The following ACTN1 variants were observed in gnomAD, a reference collection of about 807,000 sequenced individuals.
The protein encoded by ACTN1 is actinin alpha 1, also known as alpha-actinin-1.
In ACTN1, 30 loss-of-function variants were observed where a neutral mutation model predicts 119.6. That is an observed-to-expected ratio of 0.25 (90% CI 0.19 to 0.34). ACTN1 has a LOEUF of 0.34. ACTN1 is among the 10% of genes least tolerant of loss of function. ACTN1 has a pLI of 1.00. For missense variants in ACTN1, 764 were observed against 1,223.4 expected, an observed-to-expected ratio of 0.62 and a Z score of 5.60; for synonymous variants, 429 against 472.6, an observed-to-expected ratio of 0.91 and a Z score of 1.20.
At chr14:68,947,132 C>A (rs988558438) in intron 1 of ACTN1, among the ~76,000 whole-genome samples, 1 of 152,262 alleles carries the variant, frequency 6.6e-6, no homozygotes, top group African/African-American at 2.4e-5. Flanking sequence ...CTCACCCCAA[C>A]AACCACCATT....
intron 1 of ACTN1, among the ~76,000 whole-genome samples, chr14:68,951,603 G>T (rs548541857): frequency 6.6e-6 from 1 of 152,316 alleles, no homozygotes; most frequent in Admixed American, 6.5e-5. Flanking sequence ...ACGTGAAGGT[G>T]ATGCAACATT....
intron 14 of ACTN1, 67 bp from the exon 15 acceptor site, chr14:68,883,122 A>G (rs2031711197): frequency 1.3e-6 from 2 of 1,527,104 alleles, no homozygotes; most frequent in East Asian, 4.5e-5. Context: ...TGGAAGGGCC[A>G]TGGAGGTTGA....
At chr14:68,914,749 C>A (rs552909381) in intron 3 of ACTN1, among the ~76,000 whole-genome samples, 1 of 152,026 alleles carries the variant, frequency 6.6e-6, no homozygotes, top group South Asian at 2.1e-4. Context: ...CCAACCTAAG[C>A]GACAAGTTGA....
intron 1 of ACTN1, among the ~76,000 whole-genome samples, chr14:68,977,064 G>A (rs2037085975): frequency 6.6e-6 from 1 of 152,138 alleles, no homozygotes; most frequent in South Asian, 2.1e-4. Context: ...TCCTTTCAGG[G>A]GCCTAGTTCC....
chr14:68,904,675 G>A lies in ACTN1; in HGVS notation c.656C>T (p.Pro219Leu). ...FDVAEKYLDI[P>L]KMLDAEDIVG... Reference sequence around the variant, plus strand: ...TTCACCTTCGGCATCCAGCATCTTGGGGATGTCCAGGTACTTCTCTGCCAC... The same window carrying A: ...TTCACCTTCGGCATCCAGCATCTTGAGGATGTCCAGGTACTTCTCTGCCAC... Residue 219 changes from proline to leucine, a missense_variant, in exon 7 of 22, where the codon CCC becomes CTC. Around this residue, in one of 4 missense-constraint regions of ACTN1, gnomAD observed 544 missense variants for 912.0 expected, o/e 0.60. Coordinates refer to ENST00000394419, the MANE Select transcript of ACTN1 (RefSeq NM_001130004.2). 1 of 1,614,096 alleles carries A rather than the reference G, an allele frequency of 6.2e-7. No individual in the cohort carries two copies. The highest frequency in any genetic ancestry group is 8.5e-7 in the Non-Finnish European group (1 of 1,179,968).
At chr14:68,899,465 A>C (rs1038466290) in intron 8 of ACTN1, among the ~76,000 whole-genome samples, 3 of 135,892 alleles carry the variant, frequency 2.2e-5, no homozygotes, top group Non-Finnish European at 3.2e-5. Context: ...ACCACACTCC[A>C]CATACACACA....
At chr14:68,896,447 A>G (rs1463554307) in intron 8 of ACTN1, among the ~76,000 whole-genome samples, 4 of 152,162 alleles carry the variant, frequency 2.6e-5, no homozygotes, top group African/African-American at 9.7e-5. Context: ...GAGCAGAAGG[A>G]AAGGCCGCTG....
intron 6 of ACTN1, among the ~76,000 whole-genome samples, chr14:68,905,372 A>G (rs2033604452): frequency 6.6e-6 from 1 of 152,232 alleles, no homozygotes; most frequent in African/African-American, 2.4e-5. Flanking sequence ...TGGAATGTCA[A>G]ATGCTGTGAG....
intron 11 of ACTN1, among the ~76,000 whole-genome samples, chr14:68,888,426 C>CCTCCA (rs1330388668): frequency 6.6e-6 from 1 of 152,202 alleles, no homozygotes; most frequent in Non-Finnish European, 1.5e-5. Flanking sequence ...CACTGTGCCT[C>CCTCCA]CTCCACTCTG....
At position 68,874,980 on chromosome 14, in the gene ACTN1, G is replaced by C. The variant is rs772449856; in HGVS notation, c.2624C>G (p.Pro875Arg). The C allele has an allele frequency of 6.2e-7, 1 of 1,613,762 alleles. No homozygotes were observed. The highest frequency in any genetic ancestry group is 8.5e-7 in the Non-Finnish European group (1 of 1,180,012). Residue 875 changes from proline (P) to arginine (R), a missense_variant, in exon 22 of 22, where the codon CCA (proline) becomes CGA (arginine). By Grantham distance (103) the Pro-to-Arg change is moderately radical. Around this residue, in one of 4 missense-constraint regions of ACTN1, gnomAD observed 102 missense variants for 78.2 expected, o/e 1.30. Coordinates refer to ENST00000394419, the MANE Select transcript of ACTN1 (RefSeq NM_001130004.2). ...ITMDELRRELPPDQAEYCIAR... is the reference protein window; with the variant it reads ...ITMDELRRELRPDQAEYCIAR... ...GATGCAGTACTCAGCCTGGTCGGGTGGCAGCTCGCGGCGCAGCTCGTCCAT... is the reference window on the plus strand; with the variant it reads ...GATGCAGTACTCAGCCTGGTCGGGTCGCAGCTCGCGGCGCAGCTCGTCCAT...
At chr14:68,881,955 TGACAGA>T (rs2031568406) in intron 16 of ACTN1, among the ~76,000 whole-genome samples, 1 of 102,998 alleles carries the variant, frequency 9.7e-6, no homozygotes, top group African/African-American at 4.4e-5. Context: ...TTTTTTTTTT[TGACAGA>T]GTCTTGCTCT....
chr14:68,932,622 C>T lies in ACTN1; in HGVS notation c.106-6950G>A, dbSNP rs1314700571. Among the ~76,000 whole-genome samples the T allele has an allele frequency of 7.3e-5, 11 of 150,518 alleles. No homozygotes were observed. In the Admixed American group the frequency reaches 7.3e-4, roughly 10 times the overall value. On this transcript the variant is annotated intron_variant, in intron 1 of 21. Coordinates refer to ENST00000394419, the MANE Select transcript of ACTN1 (RefSeq NM_001130004.2). ...CCTCAAGTGATCCTCCCACCTCATCCTCCCAAAGTGCTGGTTACAGGCGTG... is the reference window on the plus strand; with the variant it reads ...CCTCAAGTGATCCTCCCACCTCATCTTCCCAAAGTGCTGGTTACAGGCGTG...
rs1340558807 is a variant in ACTN1 at position 68,890,655 on chromosome 14, C to T, written c.1087-369G>A. Among the ~76,000 whole-genome samples the T allele has an allele frequency of 2.6e-5, 4 of 152,190 alleles. No individual in the cohort carries two copies. In the South Asian group the frequency reaches 6.2e-4, roughly 24 times the overall value. ...CACATGTGCTAAGGCAAAGGGCCCC[C>T]GAGGTAAACAGACCAACAATGTGCA... On this transcript the variant is annotated intron_variant, in intron 10 of 21. Transcript: ENST00000394419.
chr14:68,916,567 C>G (rs2034306393), intron 3 of ACTN1, among the ~76,000 whole-genome samples: 1 of 152,218 alleles, frequency 6.6e-6, no homozygotes, highest in South Asian at 2.1e-4. Flanking sequence ...ACTCCCATCC[C>G]ATCCACTCTC....
chr14:68,877,585 A>G (rs944000576), intron 20 of ACTN1: 3 of 228,076 alleles, frequency 1.3e-5, no homozygotes, highest in East Asian at 1.2e-4. Flanking sequence ...AATCCTTACT[A>G]CAACCATAAA....
chr14:68,962,329 GC>G (rs2036566225), intron 1 of ACTN1, among the ~76,000 whole-genome samples: 1 of 152,238 alleles, frequency 6.6e-6, no homozygotes, highest in East Asian at 1.9e-4. Context: ...GGTGGAGTGA[GC>G]TCATTCCCTT....
At chr14:68,903,787 A>G (rs1326571578) in intron 7 of ACTN1, among the ~76,000 whole-genome samples, 1 of 152,030 alleles carries the variant, frequency 6.6e-6, no homozygotes, top group East Asian at 1.9e-4. Flanking sequence ...ACAGACCCCT[A>G]TGCTCCCAGA....
chr14:68,878,471 A>G lies in ACTN1; in HGVS notation c.2414T>C (p.Met805Thr), dbSNP rs778983025. ...TDDFRACLISMGYNMGEAEFA... is the reference protein window; with the variant it reads ...TDDFRACLISTGYNMGEAEFA... ...GGTTTACGTTACCATGTTGTAACCC[A>G]TGGAGATCAGGCAGGCGCGGAAATC... The change falls in exon 20 of 22, where the codon ATG (methionine) becomes ACG (threonine). Residue 805 changes from methionine to threonine, a missense_variant. Coordinates refer to ENST00000394419, the MANE Select transcript of ACTN1 (RefSeq NM_001130004.2). This position sits in a 1 kb window ranked among gnomAD's most constrained non-coding sequence, Gnocchi z 4.4. The G allele has an allele frequency of 3.2e-6, 5 of 1,567,396 alleles. No individual in the cohort carries two copies. Among genetic ancestry groups the G allele is most frequent in the South Asian group, 1.2e-5 (1 of 82,742 alleles).
At chr14:68,948,744 GGGCAT>G (rs1566665788) in intron 1 of ACTN1, among the ~76,000 whole-genome samples, 4 of 134,288 alleles carry the variant, frequency 3.0e-5, no homozygotes, top group African/African-American at 1.1e-4. Flanking sequence ...CTCTGTAACT[GGGCAT>G]CCAGGAAGTA....
Sources: gnomAD v4.1 joint callset for allele counts (sites outside exome capture counted in the v4.1 genomes callset) on GRCh38, gnomAD v4.1.1 for gene constraint, gnomAD v4.1.1 regional missense constraint, Gnocchi (gnomAD v3.1) non-coding constraint, MANE v1.5 for transcripts, NCBI Gene and HGNC (gene_info 2026-07-23, HGNC 2026-07-21) for gene names.